GPM6A: variants seen among roughly 807,000 people sequenced by gnomAD.
The protein encoded by GPM6A is glycoprotein M6A.
Under a neutral mutation model 32.1 loss-of-function variants are expected in GPM6A, and 7 were observed. The observed-to-expected ratio is 0.22, with a 90% CI of 0.12 to 0.41. The LOEUF is 0.41. Among genes scored for constraint, GPM6A ranks in the 10% least tolerant of loss-of-function variants. The pLI, the probability that GPM6A is intolerant of heterozygous loss-of-function variation, is 1.00. For missense variants in GPM6A, 235 were observed against 347.2 expected (o/e 0.68, Z 2.57); for synonymous variants, 130 against 123.4 (o/e 1.05, Z -0.35).
At chr4:175,655,512 A>T (rs1417070495) in intron 3 of GPM6A, among the ~76,000 whole-genome samples, 1 of 152,044 alleles carries the variant, frequency 6.6e-6, no homozygotes, top group African/African-American at 2.4e-5. Context: ...GGATATATAT[A>T]TTTTGTCATC....
chr4:175,651,565 A>C (rs1435370728), intron 4 of GPM6A, among the ~76,000 whole-genome samples: 1 of 152,034 alleles, frequency 6.6e-6, no homozygotes, highest in Non-Finnish European at 1.5e-5. Flanking sequence ...AGGAAACCAC[A>C]CTTCTAACCT....
chr4:175,707,466 T>C (rs1228558266), intron 1 of GPM6A, among the ~76,000 whole-genome samples: 1 of 152,244 alleles, frequency 6.6e-6, no homozygotes, highest in East Asian at 1.9e-4. Context: ...CTCATTGGGA[T>C]TCTGATTGGT....
At chr4:175,756,534 G>C (rs145076860) in intron 1 of GPM6A, among the ~76,000 whole-genome samples, 1 of 152,066 alleles carries the variant, frequency 6.6e-6, no homozygotes, top group Non-Finnish European at 1.5e-5. Context: ...ACTAAGGTAT[G>C]GTGGAACCAT....
chr4:175,736,683 G>A (rs1174101478), intron 1 of GPM6A, among the ~76,000 whole-genome samples: 5 of 152,128 alleles, frequency 3.3e-5, no homozygotes, highest in Non-Finnish European at 5.9e-5. Flanking sequence ...TGGCATATTT[G>A]TATAAAATCT....
chr4:175,869,434 G>A (rs1031002782), intron 1 of GPM6A, among the ~76,000 whole-genome samples: 2 of 152,002 alleles, frequency 1.3e-5, no homozygotes, highest in Admixed American at 1.3e-4. Context: ...ATCACTTACA[G>A]ATATATCACA....
intron 1 of GPM6A, among the ~76,000 whole-genome samples, chr4:175,791,372 T>G (rs989246178): frequency 6.6e-6 from 1 of 152,164 alleles, no homozygotes; most frequent in African/African-American, 2.4e-5. Flanking sequence ...GCACCACTCC[T>G]TAGCATTGCA....
chr4:175,812,551 G>T, upstream of GPM6A: 1 of 1,058,224 alleles, frequency 9.4e-7, no homozygotes, highest in Non-Finnish European at 1.1e-6. Context: ...ATTTTGGGGG[G>T]AAATTTGGTC....
chr4:176,000,459 C>CA (rs1741442852), intron 1 of GPM6A, among the ~76,000 whole-genome samples: 1 of 152,120 alleles, frequency 6.6e-6, no homozygotes, highest in African/African-American at 2.4e-5. Flanking sequence ...AAATCCAGGA[C>CA]AAATTGTTTT....
chr4:175,688,657 C>T (rs1231516814), intron 2 of GPM6A, among the ~76,000 whole-genome samples: 1 of 152,054 alleles, frequency 6.6e-6, no homozygotes, highest in East Asian at 1.9e-4. Context: ...TTTGAAACAT[C>T]TCCAGAACAA....
At chr4:175,917,953 A>C (rs1306915906) in intron 1 of GPM6A, among the ~76,000 whole-genome samples, 1 of 152,116 alleles carries the variant, frequency 6.6e-6, no homozygotes, top group East Asian at 1.9e-4. Context: ...AATTTAAAAC[A>C]GTTTTTAAAA....
At chr4:175,637,900 T>TATAC (rs1553967889) in intron 6 of GPM6A, among the ~76,000 whole-genome samples, 6 of 129,986 alleles carry the variant, frequency 4.6e-5, no homozygotes, top group African/African-American at 1.8e-4. Context: ...TATATATATA[T>TATAC]ACATATATGC....
At chr4:175,953,551 C>T (rs889706090) in intron 1 of GPM6A, among the ~76,000 whole-genome samples, 1 of 152,110 alleles carries the variant, frequency 6.6e-6, no homozygotes, top group African/African-American at 2.4e-5. Flanking sequence ...TTTATTATGA[C>T]ACATTACACA....
intron 1 of GPM6A, among the ~76,000 whole-genome samples, chr4:175,964,110 A>C (rs1740256369): frequency 6.6e-6 from 1 of 152,084 alleles, no homozygotes; most frequent in Non-Finnish European, 1.5e-5. Context: ...AAAAAGAGAG[A>C]GAGAGAAAGA....
chr4:175,805,268 C>T (rs943089305), intron 1 of GPM6A, among the ~76,000 whole-genome samples: 3 of 151,984 alleles, frequency 2.0e-5, no homozygotes, highest in Non-Finnish European at 2.9e-5. Context: ...GTTTTTCTCC[C>T]ATATTTTATT....
intron 1 of GPM6A, among the ~76,000 whole-genome samples, chr4:175,727,957 T>C (rs1397797079): frequency 6.7e-6 from 1 of 149,200 alleles, no homozygotes; most frequent in East Asian, 2.0e-4. Flanking sequence ...TGAGCCAAGA[T>C]TGTGCCACTG....
chr4:175,759,406 G>A (rs1732654188), intron 1 of GPM6A, among the ~76,000 whole-genome samples: 1 of 152,002 alleles, frequency 6.6e-6, no homozygotes, highest in African/African-American at 2.4e-5. Context: ...ACTGTAAAAG[G>A]CATAAAATTT....
chr4:175,991,387 TA>T (rs1296102090), intron 1 of GPM6A, among the ~76,000 whole-genome samples: 1 of 152,002 alleles, frequency 6.6e-6, no homozygotes, highest in Non-Finnish European at 1.5e-5. Context: ...AATCTTGCTT[TA>T]GATAGGAAAA....
chr4:175,756,789 C>T (rs1414909141), intron 1 of GPM6A, among the ~76,000 whole-genome samples: 2 of 152,060 alleles, frequency 1.3e-5, no homozygotes, highest in Non-Finnish European at 2.9e-5. Flanking sequence ...ATTAAAAATA[C>T]TCTAGGTGAT....
intron 3 of GPM6A, among the ~76,000 whole-genome samples, chr4:175,655,218 T>C (rs1169412102): frequency 1.1e-4 from 17 of 152,138 alleles, no homozygotes; most frequent in Admixed American, 9.2e-4. Context: ...ATAAGTTTTG[T>C]TCTAGAAAAA....
Sources: allele counts gnomAD v4.1 joint callset (sites outside exome capture counted in the v4.1 genomes callset), GRCh38; gene constraint gnomAD v4.1.1; transcripts MANE v1.5; gene names NCBI Gene and HGNC (gene_info 2026-07-23, HGNC 2026-07-21).